The following ATP2B2 variants were observed in gnomAD, a reference collection of about 807,000 sequenced individuals.
The protein encoded by ATP2B2 is ATPase plasma membrane Ca2+ transporting 2.
Under a neutral mutation model 120.0 loss-of-function variants are expected in ATP2B2, and 15 were observed. The ratio of observed to expected loss-of-function variants is 0.12; its 90% CI spans 0.08 to 0.19. The LOEUF is 0.19. ATP2B2 is among the 10% of genes least tolerant of loss of function. ATP2B2 has a pLI of 1.00. For synonymous variants in ATP2B2, 694 were observed against 700.3 expected (o/e 0.99, Z 0.14); for missense variants, 1,045 against 1,719.8 (o/e 0.61, Z 6.94).
intron 22 of ATP2B2, among the ~76,000 whole-genome samples, chr3:10,336,702 C>G (rs545968933): frequency 6.8e-4 from 104 of 152,314 alleles, no homozygotes; most frequent in African/African-American, 2.4e-3. Context: ...AATTCCAGCT[C>G]TGTCACTTAC....
chr3:10,460,776 A>AT (rs2064455316), intron 1 of ATP2B2, among the ~76,000 whole-genome samples: 1 of 152,204 alleles, frequency 6.6e-6, no homozygotes, highest in African/African-American at 2.4e-5. Flanking sequence ...AAATTCCACC[A>AT]TTAGTGATTC....
chr3:10,696,991 A>G (rs2071751091), intron 1 of ATP2B2, among the ~76,000 whole-genome samples: 1 of 152,204 alleles, frequency 6.6e-6, no homozygotes, highest in African/African-American at 2.4e-5. Context: ...TTGAACTATT[A>G]TCATCATTTT....
Position 10,338,168 on chromosome 3 carries a change from T to C in ATP2B2, c.3420+8A>G, listed in dbSNP as rs1266827822. 1 of 1,613,716 alleles carries C rather than the reference T, an allele frequency of 6.2e-7. No individual in the cohort carries two copies. The highest frequency in any genetic ancestry group is 1.1e-5 in the South Asian group (1 of 91,074). On this transcript the variant is annotated splice_region_variant and intron_variant, in intron 22 of 22. Coordinates refer to ENST00000360273, the MANE Select transcript of ATP2B2 (RefSeq NM_001001331.4). ...GGCCTGGGCCCAGCCCCCAAGAGCCTCCTGTACCTGTGTCTGGATCCGATT... is the reference window on the plus strand; with the variant it reads ...GGCCTGGGCCCAGCCCCCAAGAGCCCCCTGTACCTGTGTCTGGATCCGATT...
At chr3:10,579,054 G>A (rs2068322114) in intron 2 of ATP2B2, among the ~76,000 whole-genome samples, 1 of 152,198 alleles carries the variant, frequency 6.6e-6, no homozygotes, top group South Asian at 2.1e-4. Context: ...GTACTGTGCA[G>A]TTTTACTCAA....
At position 10,386,481 on chromosome 3, in the gene ATP2B2, T is replaced by C; in HGVS notation, c.939A>G (p.Pro313=). The change falls in exon 7 of 23, where the codon CCA becomes CCG. Residue 313 remains proline, a splice_region_variant and synonymous_variant. Coordinates refer to ENST00000360273, the MANE Select transcript of ATP2B2 (RefSeq NM_001001331.4). ...TACCCTGAGGGTGTCTTACTGTACC[T>C]GGTAGCTGAAGGCCATCCCCCTTCT... is the stretch of plus-strand genomic sequence containing the variant. ...GVKKGDGLQL[P]AADGAAASNA... 2 of 1,614,138 alleles carry C rather than the reference T, an allele frequency of 1.2e-6. 1 individual carries two copies. The highest frequency in any genetic ancestry group is 3.3e-4 in the Middle Eastern group (2 of 6,060).
At chr3:10,530,084 C>T (rs2125472417) in intron 3 of ATP2B2, among the ~76,000 whole-genome samples, 1 of 152,184 alleles carries the variant, frequency 6.6e-6, no homozygotes, top group Non-Finnish European at 1.5e-5. Flanking sequence ...CACGGCAGCC[C>T]TCACAAACTA....
Position 10,329,177 on chromosome 3 carries a change from C to G in ATP2B2, c.3421-52G>C. 2.7e-6 allele frequency: 4 copies of G among 1,481,744 alleles called. No homozygotes were observed. The highest frequency in any genetic ancestry group is 1.8e-6 in the Non-Finnish European group (2 of 1,085,248). 91.8% of individuals were successfully genotyped at this position (1,481,744 alleles called of 1,614,324 possible). A position where few individuals can be genotyped will look rare whatever the true frequency, so the allele number is the denominator to read the frequency against. ...GCACTGCCCAGGGACCACAGCCAGG[C>G]TCGGGGGGCTCACAGGAGGGGCGGG... On this transcript the variant is annotated intron_variant, in intron 22 of 22. Transcript: ENST00000360273. This position sits in a 1 kb window ranked among gnomAD's most constrained non-coding sequence, Gnocchi z 5.9.
At chr3:10,697,898 T>TA (rs1559526276) in intron 1 of ATP2B2, among the ~76,000 whole-genome samples, 3 of 152,232 alleles carry the variant, frequency 2.0e-5, no homozygotes, top group Non-Finnish European at 2.9e-5. Context: ...TGCCCTGTGC[T>TA]AGCCTTCAAG....
chr3:10,402,485 C>A lies in ATP2B2; in HGVS notation c.398-137G>T. 1 of 1,328,958 alleles carries A rather than the reference C, an allele frequency of 7.5e-7. No homozygotes were observed. The highest frequency in any genetic ancestry group is 1.1e-6 in the Non-Finnish European group (1 of 945,750). The allele number at this position is 1,328,958 out of a possible 1,614,324, so 82.3% of individuals were successfully genotyped here. On this transcript the variant is annotated intron_variant, in intron 3 of 22. Transcript: ENST00000360273. The surrounding 1 kb of genome is among the most constrained non-coding windows in gnomAD (Gnocchi z 4.9). ...ATAATTATCCACTTACTCAGTGTGT[C>A]TGGGTACCAAGCCCTGTGGAAAGTG...
At chr3:10,388,432 A>G (rs775722456) in intron 5 of ATP2B2, 30 bp from the exon 6 acceptor site, 7 of 1,613,878 alleles carry the variant, frequency 4.3e-6, no homozygotes, top group African/African-American at 2.7e-5. Flanking sequence ...CCAAGTTACC[A>G]TTGCATGGTT....
intron 2 of ATP2B2, among the ~76,000 whole-genome samples, chr3:10,585,496 A>G (rs1305983648): frequency 6.9e-6 from 1 of 145,082 alleles, no homozygotes; most frequent in African/African-American, 2.6e-5. Flanking sequence ...TCCGTCTGAA[A>G]AAAAAAAAAA....
At chr3:10,550,758 A>G (rs1292195290) in intron 2 of ATP2B2, among the ~76,000 whole-genome samples, 1 of 152,210 alleles carries the variant, frequency 6.6e-6, no homozygotes, top group Non-Finnish European at 1.5e-5. Context: ...CGGTCTATGG[A>G]ACGAGTTGCA....
At chr3:10,390,703 A>C (rs2061823677) in intron 5 of ATP2B2, among the ~76,000 whole-genome samples, 1 of 152,214 alleles carries the variant, frequency 6.6e-6, no homozygotes, top group South Asian at 2.1e-4. Flanking sequence ...CCAGATTCTC[A>C]GATGGCAAGC....
chr3:10,365,810 T>C (rs945403712), intron 12 of ATP2B2, among the ~76,000 whole-genome samples: 1 of 42 alleles, frequency 0.024, no homozygotes, highest in Non-Finnish European at 0.036. Context: ...GTATGTGTTG[T>C]ATGTGCTGTG....
intron 3 of ATP2B2, among the ~76,000 whole-genome samples, chr3:10,524,994 C>T (rs926186601): frequency 2.6e-5 from 4 of 152,210 alleles, no homozygotes; most frequent in East Asian, 3.8e-4. Flanking sequence ...ATACCTGCAT[C>T]GAGACTGGCA....
chr3:10,350,229 G>A (rs372190370), intron 15 of ATP2B2, 30 bp from the exon 16 acceptor site: 16 of 1,578,710 alleles, frequency 1.0e-5, no homozygotes, highest in South Asian at 3.4e-5. Context: ...GGGGCGGGTC[G>A]GTGGGGTCGG....
chr3:10,480,130 A>T (rs955748779), intron 1 of ATP2B2, among the ~76,000 whole-genome samples: 1 of 152,134 alleles, frequency 6.6e-6, no homozygotes, highest in Non-Finnish European at 1.5e-5. Context: ...AGGTTCTCAG[A>T]TCCCTTGGAA....
At chr3:10,430,396 T>C (rs983486634) in intron 2 of ATP2B2, among the ~76,000 whole-genome samples, 1 of 152,132 alleles carries the variant, frequency 6.6e-6, no homozygotes, top group African/African-American at 2.4e-5. Context: ...GAGGTGAAAA[T>C]ATCAACATGA....
chr3:10,599,610 C>G (rs1472043946), intron 2 of ATP2B2, among the ~76,000 whole-genome samples: 3 of 152,132 alleles, frequency 2.0e-5, no homozygotes, highest in African/African-American at 7.2e-5. Context: ...CCCAACTGGA[C>G]AAGCTCCAGC....
Sources: allele counts gnomAD v4.1 joint callset (sites outside exome capture counted in the v4.1 genomes callset), GRCh38; gene constraint gnomAD v4.1.1; non-coding constraint Gnocchi (gnomAD v3.1); transcripts MANE v1.5; gene names NCBI Gene and HGNC (gene_info 2026-07-23, HGNC 2026-07-21).